SOX5: variants seen among roughly 807,000 people sequenced by gnomAD.
SOX5 encodes the protein transcription factor SOX-5.
A neutral mutation model predicts 92.0 loss-of-function variants in SOX5; 9 were observed. That is an observed-to-expected ratio of 0.10 (90% CI 0.06 to 0.17). The LOEUF is 0.17. SOX5 is among the 10% of genes least tolerant of loss of function. SOX5 has a pLI of 1.00. For missense variants in SOX5, 642 were observed against 944.5 expected, an observed-to-expected ratio of 0.68 and a Z score of 4.20; for synonymous variants, 344 against 336.3, an observed-to-expected ratio of 1.02 and a Z score of -0.25.
intron 3 of SOX5, among the ~76,000 whole-genome samples, chr12:24,261,074 A>G (rs74068473): frequency 0.042 from 6,472 of 152,312 alleles, 196 homozygotes; most frequent in African/African-American, 0.078. Flanking sequence ...AATATTTATA[A>G]AATGCTTATG....
intron 4 of SOX5, among the ~76,000 whole-genome samples, chr12:24,168,405 T>TA (rs1288963191): frequency 8.5e-5 from 13 of 152,204 alleles, no homozygotes; most frequent in African/African-American, 2.4e-4. Context: ...TGTCTTATTT[T>TA]AAAAAAATCG....
chr12:24,092,939 C>T (rs1265207129), intron 4 of SOX5, among the ~76,000 whole-genome samples: 1 of 152,098 alleles, frequency 6.6e-6, no homozygotes, highest in East Asian at 1.9e-4. Flanking sequence ...GAAGCCTAGG[C>T]TAATAGACTA....
chr12:23,952,191 T>A (rs770475876), upstream of SOX5, among the ~76,000 whole-genome samples: 6 of 150,054 alleles, frequency 4.0e-5, no homozygotes, highest in Non-Finnish European at 8.9e-5. Context: ...GCCATGGGAG[T>A]GGAGTCAGGA....
intron 4 of SOX5, among the ~76,000 whole-genome samples, chr12:23,968,037 C>T (rs1324644625): frequency 6.6e-6 from 1 of 152,274 alleles, no homozygotes; most frequent in East Asian, 1.9e-4. Context: ...TTGCATCATT[C>T]TCATTATAAA....
intron 3 of SOX5, among the ~76,000 whole-genome samples, chr12:23,809,510 TAC>T (rs2095839265): frequency 6.6e-6 from 1 of 151,938 alleles, no homozygotes. Context: ...ATGTGGCTGA[TAC>T]ATTTTATTAA....
intron 4 of SOX5, among the ~76,000 whole-genome samples, chr12:24,146,240 C>A (rs565659808): frequency 1.3e-5 from 2 of 151,978 alleles, no homozygotes; most frequent in Non-Finnish European, 2.9e-5. Context: ...GTCCATAAAA[C>A]AAGTCTCAAT....
intron 4 of SOX5, among the ~76,000 whole-genome samples, chr12:24,055,296 G>A (rs1408860564): frequency 3.3e-5 from 5 of 152,156 alleles, no homozygotes; most frequent in Non-Finnish European, 4.4e-5. Context: ...CTCATGCCCT[G>A]ATTATCAAAG....
chr12:23,858,246 C>T (rs2096717299), intron 2 of SOX5, among the ~76,000 whole-genome samples: 1 of 151,898 alleles, frequency 6.6e-6, no homozygotes, highest in African/African-American at 2.4e-5. Context: ...ACTATCAACA[C>T]AGTAAAAAGA....
rs117143323 is a variant in SOX5 at position 24,122,368 on chromosome 12, G to A, written c.-2+90975C>T. 1.7e-4 allele frequency among the ~76,000 whole-genome samples: 26 copies of A among 152,276 alleles called. 1 individual carries two copies. In the East Asian group the frequency reaches 4.4e-3, roughly 26 times the overall value. Reference sequence around the variant, plus strand: ...GATCATGACAAAAGTTTTCTGGAACGACCAAGGAATTTGGCTTGTTGACTT... The same window carrying A: ...GATCATGACAAAAGTTTTCTGGAACAACCAAGGAATTTGGCTTGTTGACTT... On this transcript the variant is annotated intron_variant, in intron 4 of 4. Coordinates refer to the SOX5 transcript ENST00000446891.
intron 3 of SOX5, among the ~76,000 whole-genome samples, chr12:23,830,985 A>T (rs1362964429): frequency 6.6e-6 from 1 of 152,138 alleles, no homozygotes; most frequent in Non-Finnish European, 1.5e-5. Flanking sequence ...TCTTTGCTAC[A>T]GAATAATTAC....
chr12:23,820,738 C>T (rs985458129), intron 3 of SOX5, among the ~76,000 whole-genome samples: 9 of 151,848 alleles, frequency 5.9e-5, no homozygotes, highest in Admixed American at 2.0e-4. Flanking sequence ...TTTGTAGATG[C>T]GTGGTATTAT....
At chr12:24,289,920 A>G (rs1258511614) in intron 2 of SOX5, among the ~76,000 whole-genome samples, 1 of 152,194 alleles carries the variant, frequency 6.6e-6, no homozygotes. Context: ...CCTAAGCTCA[A>G]GTTTTCTGCA....
At chr12:24,431,682 C>T (rs540417897) in intron 1 of SOX5, among the ~76,000 whole-genome samples, 1 of 152,172 alleles carries the variant, frequency 6.6e-6, no homozygotes, top group South Asian at 2.1e-4. Context: ...ATAGCAGAAA[C>T]TTCATACCAG....
intron 9 of SOX5, among the ~76,000 whole-genome samples, chr12:23,585,029 T>A (rs552781614): frequency 6.6e-6 from 1 of 152,146 alleles, no homozygotes; most frequent in Non-Finnish European, 1.5e-5. Context: ...TAAATGTTAA[T>A]GGATAGTGGA....
chr12:23,989,573 C>G (rs1443228337), intron 4 of SOX5, among the ~76,000 whole-genome samples: 7 of 152,006 alleles, frequency 4.6e-5, no homozygotes, highest in African/African-American at 9.7e-5. Context: ...AGGTTGAAAC[C>G]CTCCAATGTG....
At chr12:24,394,458 C>T (rs920749161) in intron 1 of SOX5, among the ~76,000 whole-genome samples, 10 of 152,094 alleles carry the variant, frequency 6.6e-5, no homozygotes, top group African/African-American at 2.4e-4. Flanking sequence ...CTGACCTGAC[C>T]ATCCAGACCA....
chr12:23,803,943 A>T (rs1306866838), intron 3 of SOX5, among the ~76,000 whole-genome samples: 6 of 152,222 alleles, frequency 3.9e-5, no homozygotes, highest in Non-Finnish European at 8.8e-5. Flanking sequence ...ACAAAATCTC[A>T]GATGCAGATA....
At chr12:24,335,705 G>A (rs1380017515) in intron 2 of SOX5, among the ~76,000 whole-genome samples, 1 of 151,940 alleles carries the variant, frequency 6.6e-6, no homozygotes, top group African/African-American at 2.4e-5. Flanking sequence ...GGAAGACAGT[G>A]CTGGCATTTT....
rs1053275249 is a variant in SOX5 at position 23,530,886 on chromosome 12, T to C, written c.*3333A>G. ...AAGAGATAAAGTGTGAACAGATAGG[T>C]AAGAAAGCAGACAGGAAGGAGACTG... On this transcript the variant is annotated 3_prime_UTR_variant, in exon 15 of 15. Coordinates refer to ENST00000451604, the MANE Select transcript of SOX5 (RefSeq NM_006940.6). The C allele has an allele frequency of 6.8e-6, 1 of 147,502 alleles. No individual in the cohort carries two copies. The highest frequency in any genetic ancestry group is 6.8e-5 in the Admixed American group (1 of 14,638). The allele number at this position is 147,502 out of a possible 1,614,324, so 9.1% of individuals were successfully genotyped here. A position where few individuals can be genotyped will look rare whatever the true frequency, so the allele number is the denominator to read the frequency against.
Sources: allele counts gnomAD v4.1 joint callset (sites outside exome capture counted in the v4.1 genomes callset), GRCh38; gene constraint gnomAD v4.1.1; transcripts MANE v1.5; gene names NCBI Gene and HGNC (gene_info 2026-07-23, HGNC 2026-07-21).